The following GABRB3 variants were observed in gnomAD, a reference collection of about 807,000 sequenced individuals.
GABRB3 encodes the protein gamma-aminobutyric acid type A receptor subunit beta3, also known as gamma-aminobutyric acid receptor subunit beta-3.
In GABRB3, 14 loss-of-function variants were observed where a neutral mutation model predicts 52.1. That is an observed-to-expected ratio of 0.27 (90% CI 0.18 to 0.42). The LOEUF is 0.42. Among genes scored for constraint, GABRB3 ranks in the 10% least tolerant of loss-of-function variants. The pLI is 1.00. For synonymous variants in GABRB3, 260 were observed against 232.3 expected, an observed-to-expected ratio of 1.12 and a Z score of -1.08; for missense variants, 307 against 609.1, an observed-to-expected ratio of 0.50 and a Z score of 5.22.
At chr15:26,559,095 C>T (rs1595438679) in intron 8 of GABRB3, among the ~76,000 whole-genome samples, 1 of 152,294 alleles carries the variant, frequency 6.6e-6, no homozygotes, top group African/African-American at 2.4e-5. Context: ...ATGATCCAAT[C>T]ATCTCCCACC....
intron 8 of GABRB3, among the ~76,000 whole-genome samples, chr15:26,550,808 C>G (rs192548424): frequency 2.0e-5 from 3 of 152,278 alleles, no homozygotes; most frequent in Admixed American, 6.5e-5. Flanking sequence ...TGTACCTGCA[C>G]GTGTGGCCTA....
At chr15:26,663,531 T>G (rs571682790) in intron 3 of GABRB3, among the ~76,000 whole-genome samples, 3 of 152,344 alleles carry the variant, frequency 2.0e-5, no homozygotes, top group African/African-American at 7.2e-5. Context: ...GCCTGCTTTT[T>G]TAAAAGTTAG....
intron 3 of GABRB3, among the ~76,000 whole-genome samples, chr15:26,736,917 C>T (rs929786084): frequency 1.3e-5 from 2 of 152,214 alleles, no homozygotes; most frequent in Non-Finnish European, 2.9e-5. Flanking sequence ...CGGCACTTCC[C>T]AGGTTAGGTC....
Position 26,693,189 on chromosome 15 carries a change from G to A in GABRB3, c.241-71655C>T, listed in dbSNP as rs969146075. Among the ~76,000 whole-genome samples the A allele has an allele frequency of 4.6e-4, 70 of 152,140 alleles. 1 individual carries two copies. Among genetic ancestry groups the A allele is most frequent in the Non-Finnish European group, 1.5e-5 (1 of 68,022 alleles). On this transcript the variant is annotated intron_variant, in intron 3 of 8. Coordinates refer to ENST00000311550, the MANE Select transcript of GABRB3 (RefSeq NM_000814.6). ...TTTGTACATTGTTTTACTTGACTCT[G>A]ACAAGAATCAGGTGAAGAATACATG...
Position 26,544,928 on chromosome 15 carries a change from C to T in GABRB3, c.*2865G>A, listed in dbSNP as rs1490074583. ...ACGTCAGAGGTCCGGGTTCAGAATT[C>T]CTCAACGCGACTCAGTCACTGGCTC... On this transcript the variant is annotated 3_prime_UTR_variant, in exon 9 of 9. Coordinates refer to ENST00000311550, the MANE Select transcript of GABRB3 (RefSeq NM_000814.6). 1 of 152,598 alleles carries T rather than the reference C, an allele frequency of 6.6e-6. No homozygotes were observed. The highest frequency in any genetic ancestry group is 1.5e-5 in the Non-Finnish European group (1 of 68,052). 9.5% of individuals were successfully genotyped at this position (152,598 alleles called of 1,614,324 possible).
intron 4 of GABRB3, chr15:26,614,296 A>G (rs1440055805): frequency 6.6e-6 from 1 of 152,186 alleles, no homozygotes; most frequent in Non-Finnish European, 1.5e-5. Flanking sequence ...AGAGAAGGTG[A>G]GAAGAGTCCT....
intron 8 of GABRB3, among the ~76,000 whole-genome samples, chr15:26,558,847 A>AGAAAG (rs1555401247): frequency 2.0e-5 from 3 of 151,846 alleles, no homozygotes; most frequent in African/African-American, 7.3e-5. Flanking sequence ...TCAAAAAAAA[A>AGAAAG]AAAGAAAGAA....
intron 3 of GABRB3, among the ~76,000 whole-genome samples, chr15:26,632,662 T>TG (rs1892942921): frequency 6.6e-6 from 1 of 152,124 alleles, no homozygotes; most frequent in African/African-American, 2.4e-5. Context: ...TTCATGCAGG[T>TG]GCTTGTTTGC....
At chr15:26,765,012 C>T (rs2140189235) in intron 3 of GABRB3, among the ~76,000 whole-genome samples, 1 of 151,696 alleles carries the variant, frequency 6.6e-6, no homozygotes, top group Non-Finnish European at 1.5e-5. Context: ...CACCTGTAGT[C>T]CCAGCTACTT....
intron 8 of GABRB3, among the ~76,000 whole-genome samples, chr15:26,556,636 TG>T (rs1203225472): frequency 1.3e-5 from 2 of 152,198 alleles, no homozygotes; most frequent in African/African-American, 4.8e-5. Context: ...AAGGCTTACA[TG>T]GTACCACTAG....
chr15:26,654,120 A>T (rs1035649007), intron 3 of GABRB3, among the ~76,000 whole-genome samples: 2 of 152,168 alleles, frequency 1.3e-5, no homozygotes, highest in African/African-American at 4.8e-5. Context: ...TCAAATTTTT[A>T]AATTTGTGGT....
At chr15:26,737,541 A>T (rs1396107051) in intron 3 of GABRB3, among the ~76,000 whole-genome samples, 2 of 152,170 alleles carry the variant, frequency 1.3e-5, no homozygotes, top group Non-Finnish European at 2.9e-5. Flanking sequence ...AAAAATAATA[A>T]AGAAGTACAC....
intron 3 of GABRB3, among the ~76,000 whole-genome samples, chr15:26,717,589 A>T (rs1889529792): frequency 6.6e-6 from 1 of 152,124 alleles, no homozygotes; most frequent in Non-Finnish European, 1.5e-5. Context: ...CAGAACTGGA[A>T]CTCCACATTT....
chr15:26,665,983 T>C (rs1033105777), intron 3 of GABRB3, among the ~76,000 whole-genome samples: 1 of 152,134 alleles, frequency 6.6e-6, no homozygotes, highest in African/African-American at 2.4e-5. Flanking sequence ...CCTTTCTCAA[T>C]CTCAGATAAT....
chr15:26,763,777 T>C (rs920388193), intron 3 of GABRB3, among the ~76,000 whole-genome samples: 1 of 152,150 alleles, frequency 6.6e-6, no homozygotes, highest in African/African-American at 2.4e-5. Flanking sequence ...TTTATACATA[T>C]ATGGCAAACA....
chr15:26,581,758 C>T (rs1019678752), intron 5 of GABRB3, among the ~76,000 whole-genome samples: 1 of 152,206 alleles, frequency 6.6e-6, no homozygotes, highest in African/African-American at 2.4e-5. Flanking sequence ...AGAAGCCTTC[C>T]CTGGCATTCC....
chr15:26,640,583 A>C (rs1446470691), intron 3 of GABRB3, among the ~76,000 whole-genome samples: 4 of 152,212 alleles, frequency 2.6e-5, no homozygotes, highest in Non-Finnish European at 5.9e-5. Flanking sequence ...CTATCAAGTT[A>C]ATTGTACCTT....
chr15:26,564,027 A>G (rs915323997), intron 7 of GABRB3, among the ~76,000 whole-genome samples: 1 of 152,190 alleles, frequency 6.6e-6, no homozygotes, highest in African/African-American at 2.4e-5. Flanking sequence ...CTTTAGAAGT[A>G]TCAGTACTTT....
chr15:26,744,556 C>G (rs1461123605), intron 3 of GABRB3, among the ~76,000 whole-genome samples: 1 of 151,956 alleles, frequency 6.6e-6, no homozygotes, highest in Non-Finnish European at 1.5e-5. Flanking sequence ...TTCCCGAGTA[C>G]CTGGGATTAC....
Sources: gnomAD v4.1 joint callset for allele counts (sites outside exome capture counted in the v4.1 genomes callset) on GRCh38, gnomAD v4.1.1 for gene constraint, MANE v1.5 for transcripts, NCBI Gene and HGNC (gene_info 2026-07-23, HGNC 2026-07-21) for gene names.